Variants in LIPC observed in about 807,000 individuals in gnomAD.
The protein encoded by LIPC is lipase C, hepatic type, also known as hepatic triacylglycerol lipase.
A neutral mutation model predicts 50.7 loss-of-function variants in LIPC; 44 were observed. That is an observed-to-expected ratio of 0.87 (90% confidence interval 0.68 to 1.11). The LOEUF is 1.11. Ranked by LOEUF, LIPC falls within the 50% of genes most tolerant of loss-of-function variation. The pLI, the probability that LIPC is intolerant of heterozygous loss-of-function variation, is 0.00. For missense variants in LIPC, 697 were observed against 648.2 expected, an observed-to-expected ratio of 1.08 and a Z score of -0.82; for synonymous variants, 271 against 256.4, an observed-to-expected ratio of 1.06 and a Z score of -0.54.
In LIPC at chr15:58,560,995, G is replaced by A. The variant is rs1255312694; in HGVS notation, c.1169+14G>A. 6 of 1,116,252 alleles carry A rather than the reference G, an allele frequency of 5.4e-6. No homozygotes were observed. In the South Asian group the frequency reaches 7.5e-5, roughly 14 times the overall value. The allele number at this position is 1,116,252 out of a possible 1,614,324, so 69.1% of individuals were successfully genotyped here. ...TCCCATCACTCTGTGAGTAGGAGGTGTAGCCCCCTAGGGTGATGACACACT... is the reference window on the plus strand; with the variant it reads ...TCCCATCACTCTGTGAGTAGGAGGTATAGCCCCCTAGGGTGATGACACACT... On this transcript the variant is annotated intron_variant, in intron 7 of 8. Coordinates refer to ENST00000299022, the MANE Select transcript of LIPC (RefSeq NM_000236.3).
chr15:58,508,956 A>G (rs1256936830), intron 1 of LIPC, among the ~76,000 whole-genome samples: 1 of 152,038 alleles, frequency 6.6e-6, no homozygotes, highest in Non-Finnish European at 1.5e-5. Context: ...GAGCTCCCTC[A>G]TTCACAACAT....
intron 1 of LIPC, among the ~76,000 whole-genome samples, chr15:58,458,281 A>C (rs1894209176): frequency 1.3e-5 from 2 of 152,178 alleles, no homozygotes; most frequent in African/African-American, 4.8e-5. Context: ...TCACAGACTG[A>C]ACTTTGAAGT....
intron 1 of LIPC, among the ~76,000 whole-genome samples, chr15:58,449,703 C>T (rs1893835397): frequency 6.6e-6 from 1 of 152,236 alleles, no homozygotes; most frequent in Non-Finnish European, 1.5e-5. Flanking sequence ...CCGCACCCTG[C>T]TAATTTCTAT....
chr15:58,508,466 G>C (rs1296082374), intron 1 of LIPC, among the ~76,000 whole-genome samples: 1 of 152,134 alleles, frequency 6.6e-6, no homozygotes, highest in Admixed American at 6.5e-5. Context: ...TCATTTTGGA[G>C]GTAGGGAGAT....
chr15:58,563,199 C>A (rs932420971), intron 7 of LIPC, among the ~76,000 whole-genome samples: 2 of 152,178 alleles, frequency 1.3e-5, no homozygotes, highest in African/African-American at 2.4e-5. Context: ...GTCTCCACAG[C>A]GGCTTCTTCC....
At chr15:58,535,148 A>G (rs1291296310) in intron 1 of LIPC, among the ~76,000 whole-genome samples, 1 of 152,138 alleles carries the variant, frequency 6.6e-6, no homozygotes, top group African/African-American at 2.4e-5. Context: ...CTCTTCCCTA[A>G]AGCCCCTACG....
chr15:58,484,203 C>G (rs1200592533), intron 1 of LIPC, among the ~76,000 whole-genome samples: 1 of 152,196 alleles, frequency 6.6e-6, no homozygotes, highest in Non-Finnish European at 1.5e-5. Flanking sequence ...CATTTCACCT[C>G]CACCTCTTCT....
intron 1 of LIPC, chr15:58,436,250 T>A (rs118160681): frequency 3.1e-5 from 5 of 159,562 alleles, no homozygotes; most frequent in African/African-American, 1.2e-4. Flanking sequence ...ATGTAAACAG[T>A]AGATTTGAAA....
intron 1 of LIPC, among the ~76,000 whole-genome samples, chr15:58,457,254 C>T (rs1331613477): frequency 1.3e-5 from 2 of 152,196 alleles, no homozygotes; most frequent in African/African-American, 4.8e-5. Context: ...GGATTACAGG[C>T]AGGCACCACC....
At chr15:58,466,546 G>C (rs1261632922) in intron 1 of LIPC, among the ~76,000 whole-genome samples, 1 of 152,084 alleles carries the variant, frequency 6.6e-6, no homozygotes, top group African/African-American at 2.4e-5. Context: ...TTAAACACTT[G>C]GTTAGCCATC....
intron 1 of LIPC, among the ~76,000 whole-genome samples, chr15:58,511,473 G>T (rs1458796107): frequency 1.1e-4 from 16 of 152,210 alleles, no homozygotes; most frequent in Admixed American, 3.3e-4. Context: ...ATCAGATGCT[G>T]CAGGAACATG....
At chr15:58,566,932 T>A (rs1190872772) in intron 8 of LIPC, among the ~76,000 whole-genome samples, 3 of 152,126 alleles carry the variant, frequency 2.0e-5, no homozygotes, top group Non-Finnish European at 2.9e-5. Context: ...ATTACAGGCA[T>A]TTTGTAGGGG....
intron 8 of LIPC, chr15:58,566,349 T>C: frequency 3.0e-6 from 3 of 985,410 alleles, no homozygotes; most frequent in Non-Finnish European, 3.6e-6. Context: ...TGTCAGCCAG[T>C]CCTAAACTCA....
At chr15:58,487,179 T>C (rs1435944053) in intron 1 of LIPC, among the ~76,000 whole-genome samples, 1 of 152,228 alleles carries the variant, frequency 6.6e-6, no homozygotes, top group Non-Finnish European at 1.5e-5. Context: ...AAGGTGGTTC[T>C]TACACACTAA....
intron 1 of LIPC, among the ~76,000 whole-genome samples, chr15:58,493,221 A>C (rs1330940956): frequency 6.6e-6 from 1 of 152,150 alleles, no homozygotes; most frequent in East Asian, 1.9e-4. Context: ...ATAACTAGCA[A>C]GGCGAGGAGG....
At chr15:58,552,531 C>G (rs983432284) in intron 6 of LIPC, among the ~76,000 whole-genome samples, 1 of 152,330 alleles carries the variant, frequency 6.6e-6, no homozygotes, top group East Asian at 1.9e-4. Context: ...GCTGCCCTTC[C>G]CCCTCCCCCG....
chr15:58,516,901 T>C (rs181977230), intron 1 of LIPC, among the ~76,000 whole-genome samples: 6 of 152,346 alleles, frequency 3.9e-5, no homozygotes, highest in Admixed American at 3.9e-4. Context: ...ATACCGGACA[T>C]TGTGAATTTT....
intron 1 of LIPC, among the ~76,000 whole-genome samples, chr15:58,471,221 C>G (rs150145438): frequency 1.4e-5 from 2 of 146,482 alleles, no homozygotes; most frequent in Non-Finnish European, 3.0e-5. Flanking sequence ...ACTGCAACCT[C>G]TACCTCCCAG....
At chr15:58,486,505 T>C (rs1891381580) in intron 1 of LIPC, among the ~76,000 whole-genome samples, 1 of 152,206 alleles carries the variant, frequency 6.6e-6, no homozygotes, top group Non-Finnish European at 1.5e-5. Context: ...CCCTCTGAGA[T>C]GAAGCCCTGT....
Sources: allele counts gnomAD v4.1 joint callset (sites outside exome capture counted in the v4.1 genomes callset), GRCh38; gene constraint gnomAD v4.1.1; transcripts MANE v1.5; gene names NCBI Gene and HGNC (gene_info 2026-07-23, HGNC 2026-07-21).